Variants in EFCAB7 observed in about 807,000 individuals in gnomAD.
The protein encoded by EFCAB7 is EF-hand calcium binding domain 7, also known as EF-hand calcium-binding domain-containing protein 7.
Under a neutral mutation model 77.1 loss-of-function variants are expected in EFCAB7, and 66 were observed. The ratio of observed to expected loss-of-function variants is 0.86; its 90% CI spans 0.70 to 1.05. The LOEUF (loss-of-function observed/expected upper bound fraction) is 1.05, where lower values mean the gene tolerates loss of function less well. Ranked by LOEUF, EFCAB7 falls within the 50% of genes least tolerant of loss-of-function variation. EFCAB7 has a pLI of 0.00. For synonymous variants in EFCAB7, 225 were observed against 243.3 expected (o/e 0.92, Z 0.70); for missense variants, 638 against 730.5 (o/e 0.87, Z 1.46).
downstream of EFCAB7, among the ~76,000 whole-genome samples, chr1:63,574,972 C>G (rs1241706451): frequency 6.6e-6 from 1 of 152,038 alleles, no homozygotes; most frequent in African/African-American, 2.4e-5. Flanking sequence ...AATGAATTTA[C>G]ATGTATGAAT....
chr1:63,562,677 T>G (rs1298182120), intron 11 of EFCAB7, among the ~76,000 whole-genome samples: 1 of 144,750 alleles, frequency 6.9e-6, no homozygotes, highest in Non-Finnish European at 1.5e-5. Context: ...TTTTTTAACT[T>G]TTTTTTTTTT....
intron 11 of EFCAB7, among the ~76,000 whole-genome samples, chr1:63,562,077 A>G (rs1243254197): frequency 6.6e-6 from 1 of 152,130 alleles, no homozygotes; most frequent in Admixed American, 6.5e-5. Flanking sequence ...TTCAAAGACA[A>G]AAGAGTCTAA....
At chr1:63,537,027 G>T (rs578041304) in intron 6 of EFCAB7, among the ~76,000 whole-genome samples, 1 of 152,296 alleles carries the variant, frequency 6.6e-6, no homozygotes, top group South Asian at 2.1e-4. Flanking sequence ...GGTAAGCCAT[G>T]TTTTAAACCA....
intron 11 of EFCAB7, among the ~76,000 whole-genome samples, chr1:63,562,733 T>A (rs2100921285): frequency 6.6e-6 from 1 of 151,130 alleles, no homozygotes; most frequent in South Asian, 2.1e-4. Context: ...AATTTCTATA[T>A]TTTATGTCAG....
intron 8 of EFCAB7, 67 bp downstream of exon 8, chr1:63,551,901 T>C: frequency 1.0e-6 from 1 of 978,806 alleles, no homozygotes; most frequent in Middle Eastern, 3.5e-4. Context: ...GGGGAAAGTA[T>C]GTTTCTGTAT....
intron 6 of EFCAB7, among the ~76,000 whole-genome samples, chr1:63,541,485 T>C (rs2100887461): frequency 6.6e-6 from 1 of 152,284 alleles, no homozygotes; most frequent in Middle Eastern, 3.4e-3. Context: ...ATTCTATTAA[T>C]ATTGTGATAA....
intron 7 of EFCAB7, chr1:63,547,774 G>T (rs570087058): frequency 6.6e-6 from 1 of 152,286 alleles, no homozygotes; most frequent in South Asian, 2.1e-4. Context: ...TCTTACGTAT[G>T]AAGTCCCATC....
chr1:63,528,537 C>T (rs1646637065), intron 2 of EFCAB7, among the ~76,000 whole-genome samples: 1 of 151,984 alleles, frequency 6.6e-6, no homozygotes, highest in Non-Finnish European at 1.5e-5. Context: ...TAAAAAAAAT[C>T]ATTTAAGTGT....
At chr1:63,562,839 C>G (rs74078268) in intron 11 of EFCAB7, among the ~76,000 whole-genome samples, 2,683 of 151,854 alleles carry the variant, frequency 0.018, 97 homozygotes, top group African/African-American at 0.061. Flanking sequence ...AGTATTTGTC[C>G]TTTTTCCATA....
rs150530144 is a variant in EFCAB7, at chr1:63,531,941, A to G, written c.309A>G (p.Ser103=). Residue 103 remains serine, a synonymous_variant, in exon 3 of 14, where the codon TCA becomes TCG. Transcript: ENST00000371088. ...CIILRKEKPT[S]KAELLKSFKQ... is the part of the protein sequence containing the mutation. Reference sequence around the variant, plus strand: ...TTTTAAGGAAGGAAAAACCTACTTCAAAAGCAGAACTACTAAAATCATTTA... The same window carrying G: ...TTTTAAGGAAGGAAAAACCTACTTCGAAAGCAGAACTACTAAAATCATTTA... The G allele has an allele frequency of 6.2e-7, 1 of 1,613,166 alleles. No individual in the cohort carries two copies. The highest frequency in any genetic ancestry group is 1.3e-5 in the African/African-American group (1 of 75,026).
At chr1:63,577,520 T>A (rs1647458468), downstream of EFCAB7, among the ~76,000 whole-genome samples, 2 of 152,216 alleles carry the variant, frequency 1.3e-5, no homozygotes, top group Non-Finnish European at 2.9e-5. Context: ...TCTCTCTGCC[T>A]TTTTAAATAT....
chr1:63,549,252 C>T (rs1236377333), intron 7 of EFCAB7: 3 of 434,266 alleles, frequency 6.9e-6, no homozygotes, highest in Non-Finnish European at 1.4e-5. Flanking sequence ...GAATGAAGAC[C>T]ATAATAAAAG....
chr1:63,557,789 TAGA>T (rs1446425643), intron 10 of EFCAB7, among the ~76,000 whole-genome samples: 1 of 152,142 alleles, frequency 6.6e-6, no homozygotes, highest in East Asian at 1.9e-4. Flanking sequence ...AGTTATCACT[TAGA>T]AGGAGTCTGG....
At chr1:63,539,780 A>G (rs1052426816) in intron 6 of EFCAB7, among the ~76,000 whole-genome samples, 2 of 152,198 alleles carry the variant, frequency 1.3e-5, no homozygotes, top group East Asian at 3.8e-4. Flanking sequence ...ATTGGATGAA[A>G]TTCCATCTGA....
At chr1:63,570,481 T>C (rs1375275660) in intron 12 of EFCAB7, 1 of 152,252 alleles carries the variant, frequency 6.6e-6, no homozygotes, top group Non-Finnish European at 1.5e-5. Flanking sequence ...GTTTTGTAAT[T>C]GTCATTTTAT....
At chr1:63,546,164 T>A in intron 7 of EFCAB7, 107 bp downstream of exon 7, 1 of 1,212,274 alleles carries the variant, frequency 8.2e-7, no homozygotes, top group Non-Finnish European at 1.1e-6. Flanking sequence ...ATAATCTGCC[T>A]AAGTAAGAAT....
intron 2 of EFCAB7, among the ~76,000 whole-genome samples, chr1:63,526,251 G>C (rs1646587700): frequency 6.6e-6 from 1 of 151,908 alleles, no homozygotes; most frequent in Non-Finnish European, 1.5e-5. Flanking sequence ...TATTGCTTCT[G>C]TCCTTTATCA....
At chr1:63,536,848 A>G (rs1646769361) in intron 6 of EFCAB7, 1 of 152,208 alleles carries the variant, frequency 6.6e-6, no homozygotes, top group South Asian at 2.1e-4. Flanking sequence ...CTTGGTTGTG[A>G]ATGTACAGAA....
intron 10 of EFCAB7, among the ~76,000 whole-genome samples, chr1:63,559,301 CAAAAAA>C (rs71052490): frequency 3.2e-5 from 2 of 62,236 alleles, no homozygotes; most frequent in African/African-American, 6.5e-5. Context: ...GACTCTGTCT[CAAAAAA>C]AAAAAAAAAA....
Sources: gnomAD v4.1 joint callset for allele counts (sites outside exome capture counted in the v4.1 genomes callset) on GRCh38, gnomAD v4.1.1 for gene constraint, MANE v1.5 for transcripts, NCBI Gene and HGNC (gene_info 2026-07-23, HGNC 2026-07-21) for gene names.